SDK1: variants seen among roughly 807,000 people sequenced by gnomAD.
The protein encoded by SDK1 is sidekick cell adhesion molecule 1.
SDK1 carries 157 observed loss-of-function variants against 245.5 expected under a neutral mutation model. That is an observed-to-expected ratio of 0.64 (90% CI 0.56 to 0.73). The LOEUF is 0.73. Among genes scored for constraint, SDK1 ranks in the 30% least tolerant of loss-of-function variants. SDK1 has a pLI of 0.00. For synonymous variants in SDK1, 1,647 were observed against 1,278.5 expected, an observed-to-expected ratio of 1.29 and a Z score of -6.15; for missense variants, 3,583 against 3,002.3, an observed-to-expected ratio of 1.19 and a Z score of -4.52.
rs538558212 is a variant in SDK1, at chr7:3,525,236, G to A, written c.299-93844G>A. Among the ~76,000 whole-genome samples, 83 of 152,188 alleles carry A rather than the reference G, an allele frequency of 5.5e-4. 3 individuals are homozygous for A. In the South Asian group the frequency reaches 0.017, roughly 31 times the overall value. On this transcript the variant is annotated intron_variant, in intron 1 of 44. Coordinates refer to ENST00000404826, the MANE Select transcript of SDK1 (RefSeq NM_152744.4). ...CCAATGCCCGTGGATCCCAAGGGATGACTGTATGCCTGTACGTGATGATGG... is the reference window on the plus strand; with the variant it reads ...CCAATGCCCGTGGATCCCAAGGGATAACTGTATGCCTGTACGTGATGATGG...
chr7:3,961,749 A>G (rs1283669121), intron 8 of SDK1, among the ~76,000 whole-genome samples: 1 of 152,200 alleles, frequency 6.6e-6, no homozygotes, highest in Non-Finnish European at 1.5e-5. Flanking sequence ...TTTCATTGTT[A>G]GCTGTTGGGA....
intron 1 of SDK1, among the ~76,000 whole-genome samples, chr7:3,390,466 C>A (rs145107404): frequency 1.3e-5 from 2 of 152,082 alleles, no homozygotes; most frequent in Admixed American, 6.5e-5. Flanking sequence ...TTTCCTATAC[C>A]GAGTTAAATA....
chr7:3,346,063 A>G (rs750926791), intron 1 of SDK1, among the ~76,000 whole-genome samples: 9 of 152,200 alleles, frequency 5.9e-5, no homozygotes, highest in Non-Finnish European at 1.2e-4. Flanking sequence ...TCTAATTTTT[A>G]AGATTTAGAG....
intron 44 of SDK1, among the ~76,000 whole-genome samples, chr7:4,254,268 GC>G (rs1481739971): frequency 6.6e-6 from 1 of 151,748 alleles, no homozygotes; most frequent in Non-Finnish European, 1.5e-5. Flanking sequence ...GTATGTTGGT[GC>G]TGTTAGTGCT....
At chr7:3,506,083 C>G (rs1426434425) in intron 1 of SDK1, among the ~76,000 whole-genome samples, 2 of 151,828 alleles carry the variant, frequency 1.3e-5, no homozygotes, top group Admixed American at 6.6e-5. Context: ...TTCTTTATTT[C>G]TTTTTGTAGA....
intron 5 of SDK1, among the ~76,000 whole-genome samples, chr7:3,876,517 A>G (rs1465298809): frequency 6.6e-6 from 1 of 152,188 alleles, no homozygotes; most frequent in East Asian, 1.9e-4. Flanking sequence ...AACTGGTTCT[A>G]GGAAGTACTT....
intron 28 of SDK1, among the ~76,000 whole-genome samples, chr7:4,133,066 A>G (rs896856168): frequency 6.6e-6 from 1 of 152,218 alleles, no homozygotes; most frequent in African/African-American, 2.4e-5. Flanking sequence ...CTAGTTTTTC[A>G]GAGAAGATGC....
intron 1 of SDK1, among the ~76,000 whole-genome samples, chr7:3,381,601 G>C (rs922243489): frequency 1.3e-5 from 2 of 152,248 alleles, no homozygotes; most frequent in South Asian, 2.1e-4. Flanking sequence ...TCTAAGGAGA[G>C]GAAGGGCCAT....
At chr7:3,800,652 G>T (rs1779085559) in intron 4 of SDK1, among the ~76,000 whole-genome samples, 1 of 152,122 alleles carries the variant, frequency 6.6e-6, no homozygotes, top group African/African-American at 2.4e-5. Context: ...TTACAGGTGT[G>T]AGCTGCCTCG....
chr7:3,858,070 T>C (rs1464159363), intron 5 of SDK1, among the ~76,000 whole-genome samples: 1 of 152,210 alleles, frequency 6.6e-6, no homozygotes, highest in Non-Finnish European at 1.5e-5. Flanking sequence ...GAAGTTAATA[T>C]GGAAGCCTTA....
chr7:3,410,688 G>A (rs1265897449), intron 1 of SDK1, among the ~76,000 whole-genome samples: 2 of 146,006 alleles, frequency 1.4e-5, no homozygotes, highest in Non-Finnish European at 3.0e-5. Flanking sequence ...CCAGGTTCAA[G>A]CAGTTCTCTT....
At chr7:3,717,436 G>A (rs555671220) in intron 4 of SDK1, among the ~76,000 whole-genome samples, 1 of 152,224 alleles carries the variant, frequency 6.6e-6, no homozygotes, top group Admixed American at 6.5e-5. Flanking sequence ...ATGCAACTAA[G>A]GGCATGCTGA....
chr7:3,653,878 G>C (rs1218047583), intron 4 of SDK1, among the ~76,000 whole-genome samples: 1 of 152,208 alleles, frequency 6.6e-6, no homozygotes, highest in Non-Finnish European at 1.5e-5. Flanking sequence ...ATGAAGCAGA[G>C]AGGATGATCT....
At chr7:3,582,419 G>T (rs900701548) in intron 1 of SDK1, among the ~76,000 whole-genome samples, 1 of 147,982 alleles carries the variant, frequency 6.8e-6, no homozygotes, top group Non-Finnish European at 1.5e-5. Context: ...CCTCAGGTAG[G>T]TCTGTCTCAG....
intron 41 of SDK1, among the ~76,000 whole-genome samples, chr7:4,234,626 G>A (rs1458614070): frequency 6.6e-6 from 1 of 152,194 alleles, no homozygotes; most frequent in Non-Finnish European, 1.5e-5. Flanking sequence ...CCCCCCATGT[G>A]CCTGTGAGGG....
chr7:3,364,695 G>C (rs979938019), intron 1 of SDK1, among the ~76,000 whole-genome samples: 1 of 151,968 alleles, frequency 6.6e-6, no homozygotes, highest in African/African-American at 2.4e-5. Context: ...AATAAGCTTT[G>C]AAATCAGGTA....
chr7:3,836,580 A>G (rs1203051964), intron 5 of SDK1, among the ~76,000 whole-genome samples: 2 of 152,160 alleles, frequency 1.3e-5, no homozygotes, highest in Non-Finnish European at 2.9e-5. Context: ...TTCTAAGGGA[A>G]CATGTAGAAG....
At chr7:3,493,761 T>G (rs534576657) in intron 1 of SDK1, among the ~76,000 whole-genome samples, 3 of 152,352 alleles carry the variant, frequency 2.0e-5, no homozygotes, top group East Asian at 3.9e-4. Flanking sequence ...TTCTCACTTA[T>G]GACATAGCTT....
At chr7:3,759,065 G>A (rs1780019516) in intron 4 of SDK1, among the ~76,000 whole-genome samples, 1 of 152,166 alleles carries the variant, frequency 6.6e-6, no homozygotes, top group South Asian at 2.1e-4. Context: ...TAGCATTTGT[G>A]TAAACTACCC....
Sources: gnomAD v4.1 joint callset for allele counts (sites outside exome capture counted in the v4.1 genomes callset) on GRCh38, gnomAD v4.1.1 for gene constraint, MANE v1.5 for transcripts, NCBI Gene and HGNC (gene_info 2026-07-23, HGNC 2026-07-21) for gene names.